Variants in COX7B2 observed in about 807,000 individuals in gnomAD.
COX7B2 encodes cytochrome c oxidase subunit 7B2, mitochondrial.
For synonymous variants in COX7B2, 37 were observed against 32.1 expected (o/e 1.15, Z -0.51); for missense variants, 109 against 95.9 (o/e 1.14, Z -0.57).
chr4:46,889,050 T>C (rs139255519), intron 1 of COX7B2, among the ~76,000 whole-genome samples: 1 of 152,214 alleles, frequency 6.6e-6, no homozygotes, highest in Non-Finnish European at 1.5e-5. Context: ...ATGTGAGTAT[T>C]ATGCATTGCA....
intron 2 of COX7B2, among the ~76,000 whole-genome samples, chr4:46,786,305 T>C (rs1158855853): frequency 6.6e-6 from 1 of 152,236 alleles, no homozygotes. Context: ...TGTACCTATG[T>C]AGTACAGACT....
chr4:46,853,800 T>G (rs1351587402), intron 1 of COX7B2, among the ~76,000 whole-genome samples: 1 of 152,132 alleles, frequency 6.6e-6, no homozygotes, highest in Non-Finnish European at 1.5e-5. Context: ...TTGTGATTAG[T>G]GCTATCTTTT....
intron 2 of COX7B2, among the ~76,000 whole-genome samples, chr4:46,768,954 GA>G (rs549409499): frequency 4.4e-4 from 66 of 151,468 alleles, no homozygotes; most frequent in Non-Finnish European, 8.0e-4. Context: ...GGATAACATA[GA>G]AAAAATGAAA....
chr4:46,793,855 G>A (rs1718176304), intron 2 of COX7B2, among the ~76,000 whole-genome samples: 1 of 152,130 alleles, frequency 6.6e-6, no homozygotes, highest in Admixed American at 6.6e-5. Flanking sequence ...TGATGAAGCT[G>A]GTTACATTGA....
intron 1 of COX7B2, among the ~76,000 whole-genome samples, chr4:46,906,096 T>TG (rs1268817878): frequency 1.3e-5 from 2 of 152,128 alleles, no homozygotes; most frequent in Non-Finnish European, 2.9e-5. Context: ...CCCAAAGTGC[T>TG]GGGGTTACAG....
chr4:46,752,948 G>A (rs1457477634), intron 2 of COX7B2, among the ~76,000 whole-genome samples: 3 of 151,968 alleles, frequency 2.0e-5, no homozygotes, highest in African/African-American at 7.2e-5. Flanking sequence ...AGTCAGGGAG[G>A]AGTCCCTCTT....
chr4:46,842,853 T>A (rs1030532415), intron 2 of COX7B2, among the ~76,000 whole-genome samples: 2 of 152,034 alleles, frequency 1.3e-5, no homozygotes, highest in Non-Finnish European at 2.9e-5. Flanking sequence ...ATAGTGCTGC[T>A]ATAAACATAC....
intron 2 of COX7B2, among the ~76,000 whole-genome samples, chr4:46,816,912 G>T (rs1260792439): frequency 6.6e-6 from 1 of 152,168 alleles, no homozygotes; most frequent in Admixed American, 6.5e-5. Flanking sequence ...AAGCCTCAGA[G>T]AATTTTTTTA....
intron 2 of COX7B2, among the ~76,000 whole-genome samples, chr4:46,802,176 G>C (rs1453525852): frequency 1.3e-5 from 2 of 152,140 alleles, no homozygotes; most frequent in Admixed American, 6.5e-5. Flanking sequence ...TAAGGGACCA[G>C]TGCTTAGGCA....
At chr4:46,896,320 T>G (rs553891888) in intron 1 of COX7B2, among the ~76,000 whole-genome samples, 17 of 152,210 alleles carry the variant, frequency 1.1e-4, no homozygotes, top group Non-Finnish European at 2.5e-4. Context: ...CAACCTACTT[T>G]TATTTCTAGA....
chr4:46,772,817 A>G (rs1179677167), intron 2 of COX7B2, among the ~76,000 whole-genome samples: 2 of 152,194 alleles, frequency 1.3e-5, no homozygotes, highest in Non-Finnish European at 2.9e-5. Context: ...ATTTACTGCT[A>G]GTGCTTACTT....
chr4:46,799,056 A>G (rs999591622), intron 2 of COX7B2, among the ~76,000 whole-genome samples: 5 of 152,194 alleles, frequency 3.3e-5, no homozygotes, highest in East Asian at 1.9e-4. Context: ...AGGAAGTCAT[A>G]CAAACTTCAC....
chr4:46,744,232 A>G (rs1260143298), intron 2 of COX7B2, among the ~76,000 whole-genome samples: 1 of 151,908 alleles, frequency 6.6e-6, no homozygotes, highest in African/African-American at 2.4e-5. Context: ...GCATCAAAGT[A>G]CCAGATCCCC....
At chr4:46,773,629 A>G (rs1716999070) in intron 2 of COX7B2, among the ~76,000 whole-genome samples, 1 of 152,192 alleles carries the variant, frequency 6.6e-6, no homozygotes, top group African/African-American at 2.4e-5. Context: ...AATAAGCTAT[A>G]TTAAAAACCA....
chr4:46,737,284 G>A (rs562007844), intron 2 of COX7B2, among the ~76,000 whole-genome samples: 15 of 152,174 alleles, frequency 9.9e-5, no homozygotes, highest in Non-Finnish European at 1.3e-4. Context: ...TAAAAATTCA[G>A]GTTGTTCATT....
intron 2 of COX7B2, among the ~76,000 whole-genome samples, chr4:46,828,887 G>C (rs1714870244): frequency 6.6e-6 from 1 of 152,104 alleles, no homozygotes; most frequent in South Asian, 2.1e-4. Context: ...GAGCCCTTGT[G>C]CAGATTGATA....
chr4:46,737,899 T>C (rs1375705184), intron 2 of COX7B2, among the ~76,000 whole-genome samples: 2 of 152,124 alleles, frequency 1.3e-5, no homozygotes, highest in Admixed American at 6.6e-5. Flanking sequence ...TCCTACCATA[T>C]GGTAAGTGGT....
chr4:46,792,768 G>T (rs985157134), intron 2 of COX7B2, among the ~76,000 whole-genome samples: 1 of 152,176 alleles, frequency 6.6e-6, no homozygotes, highest in Admixed American at 6.5e-5. Context: ...GATACCTAGA[G>T]TGACTGTAGA....
chr4:46,821,906 TTTTG>T (rs200278172), intron 2 of COX7B2, among the ~76,000 whole-genome samples: 1,697 of 152,050 alleles, frequency 0.011, 20 homozygotes, highest in Middle Eastern at 0.041. Flanking sequence ...TTTTTGTTTG[TTTTG>T]TTTGTTTGTT....
Sources: gnomAD v4.1 joint callset for allele counts (sites outside exome capture counted in the v4.1 genomes callset) on GRCh38, gnomAD v4.1.1 for gene constraint, MANE v1.5 for transcripts, NCBI Gene and HGNC (gene_info 2026-07-23, HGNC 2026-07-21) for gene names.